Variants in DOCK9 observed in about 807,000 individuals in gnomAD.
The protein encoded by DOCK9 is dedicator of cytokinesis protein 9.
A neutral mutation model predicts 263.3 loss-of-function variants in DOCK9; 89 were observed. That is an observed-to-expected ratio of 0.34 (90% CI 0.28 to 0.40). DOCK9 has a LOEUF of 0.40. Among genes scored for constraint, DOCK9 ranks in the 10% least tolerant of loss-of-function variants. The pLI, the probability that DOCK9 is intolerant of heterozygous loss-of-function variation, is 1.00. For synonymous variants in DOCK9, 976 were observed against 973.1 expected (o/e 1.00, Z -0.06); for missense variants, 2,140 against 2,603.4 (o/e 0.82, Z 3.87).
chr13:98,880,042 G>C (rs948038863), intron 26 of DOCK9, 73 bp from the exon 27 acceptor site: 1 of 1,181,698 alleles, frequency 8.5e-7, no homozygotes, highest in African/African-American at 1.5e-5. Context: ...CTCTCAGGCT[G>C]ACAATATTAT....
chr13:98,905,859 T>C (rs2049012234), intron 9 of DOCK9, among the ~76,000 whole-genome samples: 1 of 150,902 alleles, frequency 6.6e-6, no homozygotes, highest in African/African-American at 2.4e-5. Flanking sequence ...ATAAAATGAG[T>C]TCCACATTTC....
At chr13:98,806,367 C>G (rs764272196) in intron 48 of DOCK9, among the ~76,000 whole-genome samples, 1 of 152,184 alleles carries the variant, frequency 6.6e-6, no homozygotes, top group African/African-American at 2.4e-5. Context: ...TATGCAGAAA[C>G]AAAAGCTAAT....
chr13:98,800,356 G>A lies in DOCK9; in HGVS notation c.5848C>T (p.Leu1950=), dbSNP rs2089969592. Residue 1950 remains leucine, a synonymous_variant, in exon 50 of 53, where the codon CTG becomes TTG. Coordinates refer to ENST00000682017, the MANE Select transcript of DOCK9 (RefSeq NM_001366683.2). ...MSKKVAELRQ[L]CSSAEVDMIK... ...ATGTCCACCTCGGCCGAGGAGCACAGCTGCCGGAGCTCCGCCACCTTCTTA... is the reference window on the plus strand; with the variant it reads ...ATGTCCACCTCGGCCGAGGAGCACAACTGCCGGAGCTCCGCCACCTTCTTA... The A allele has an allele frequency of 6.2e-7, 1 of 1,613,400 alleles. No individual in the cohort carries two copies. Among genetic ancestry groups the A allele is most frequent in the Non-Finnish European group, 8.5e-7 (1 of 1,179,744 alleles).
chr13:98,837,696 A>T (rs2093057626), intron 38 of DOCK9, 87 bp from the exon 39 acceptor site: 4 of 545,270 alleles, frequency 7.3e-6, no homozygotes, highest in Non-Finnish European at 1.1e-5. Flanking sequence ...ACTTTTGATT[A>T]TTCAGAAGGC....
chr13:98,981,970 G>A (rs1215270860), upstream of DOCK9, among the ~76,000 whole-genome samples: 4 of 152,176 alleles, frequency 2.6e-5, no homozygotes, highest in East Asian at 3.8e-4. Flanking sequence ...CCTGCACTGA[G>A]CTCCTACCAT....
Position 98,829,925 on chromosome 13 carries a change from C to T in DOCK9, c.4636-169G>A, listed in dbSNP as rs1341616227. Among the ~76,000 whole-genome samples the T allele has an allele frequency of 2.6e-5, 4 of 152,120 alleles. No homozygotes were observed. The highest frequency in any genetic ancestry group is 4.8e-5 in the African/African-American group (2 of 41,418). On this transcript the variant is annotated intron_variant, in intron 41 of 52. Coordinates refer to ENST00000682017, the MANE Select transcript of DOCK9 (RefSeq NM_001366683.2). This position sits in a 1 kb window ranked among gnomAD's most constrained non-coding sequence, Gnocchi z 4.1. ...AAACAATGTCTGAGGTATTTTCTTC[C>T]CCTTTAAGAATAATTACAGAAAGTG... is the stretch of plus-strand genomic sequence containing the variant.
At chr13:98,922,654 C>T (rs1566973430) in intron 5 of DOCK9, among the ~76,000 whole-genome samples, 6 of 152,178 alleles carry the variant, frequency 3.9e-5, no homozygotes. Context: ...AAATAATTTG[C>T]TACATGCACA....
chr13:99,016,643 A>G (rs911411148), intron 1 of DOCK9, among the ~76,000 whole-genome samples: 4 of 152,322 alleles, frequency 2.6e-5, no homozygotes, highest in Admixed American at 1.3e-4. Flanking sequence ...GGGAATGGCT[A>G]ACAGGGAAGC....
At position 98,923,423 on chromosome 13, in the gene DOCK9, G is replaced by A. The variant is rs2052402575; in HGVS notation, c.417-52C>T. On this transcript the variant is annotated intron_variant, in intron 4 of 52. Transcript: ENST00000682017. ...TTTAGAAATGCCTAGTCAAGGAAGA[G>A]GCTTTGCATTTCTTCCTCCATCATA... 2.7e-6 allele frequency: 4 copies of A among 1,479,662 alleles called. No homozygotes were observed. The Admixed American group carries it at 6.7e-5, about 25-fold the overall frequency. The allele number at this position is 1,479,662 out of a possible 1,614,324, so 91.7% of individuals were successfully genotyped here.
At chr13:98,909,039 G>A (rs917964445) in intron 9 of DOCK9, among the ~76,000 whole-genome samples, 2 of 152,166 alleles carry the variant, frequency 1.3e-5, no homozygotes, top group African/African-American at 4.8e-5. Context: ...GGTAAGAAGA[G>A]CCAACTGGCT....
intron 9 of DOCK9, among the ~76,000 whole-genome samples, chr13:98,908,751 T>A (rs2049515762): frequency 6.6e-6 from 1 of 152,232 alleles, no homozygotes; most frequent in African/African-American, 2.4e-5. Context: ...AACTTCAGTG[T>A]TCTCAGGAAT....
chr13:98,878,081 T>C (rs1201960565), intron 27 of DOCK9, among the ~76,000 whole-genome samples: 2 of 152,288 alleles, frequency 1.3e-5, no homozygotes, highest in Admixed American at 6.5e-5. Flanking sequence ...TAATCCAGTA[T>C]GACTGGTGTC....
rs2045077008 is a variant in DOCK9 at position 98,883,023 on chromosome 13, T to G, written c.2559+19A>C. On this transcript the variant is annotated intron_variant, in intron 23 of 52. Coordinates refer to ENST00000682017, the MANE Select transcript of DOCK9 (RefSeq NM_001366683.2). ...TCCAAACTCACTTAAAAGGGGATAC[T>G]AAGAAAGCCATGTGATACCTTAAGG... is the stretch of plus-strand genomic sequence containing the variant. The G allele has an allele frequency of 6.2e-7, 1 of 1,604,142 alleles. No individual in the cohort carries two copies. The highest frequency in any genetic ancestry group is 1.3e-5 in the African/African-American group (1 of 74,268).
At chr13:98,883,999 C>A in intron 21 of DOCK9, 100 bp from the exon 22 acceptor site, 1 of 832,830 alleles carries the variant, frequency 1.2e-6, no homozygotes, top group Non-Finnish European at 1.9e-6. Context: ...AAAGAGGGCC[C>A]AGAGAACTTT....
At chr13:99,069,700 A>C (rs535598326) in intron 1 of DOCK9, among the ~76,000 whole-genome samples, 1 of 152,366 alleles carries the variant, frequency 6.6e-6, no homozygotes, top group Non-Finnish European at 1.5e-5. Context: ...CATCTCCAAA[A>C]GAATATTTCA....
intron 38 of DOCK9, among the ~76,000 whole-genome samples, chr13:98,843,334 G>A (rs1487719807): frequency 1.3e-5 from 2 of 152,032 alleles, no homozygotes; most frequent in Non-Finnish European, 2.9e-5. Context: ...AAATACCCAG[G>A]TAGAGATGAA....
chr13:98,826,719 A>T (rs1056300591), intron 44 of DOCK9, 111 bp downstream of exon 44: 6 of 859,288 alleles, frequency 7.0e-6, no homozygotes, highest in Non-Finnish European at 1.1e-5. Flanking sequence ...AATACACTTC[A>T]CAAACACACA....
At chr13:98,999,291 C>T (rs1356383252) in intron 1 of DOCK9, among the ~76,000 whole-genome samples, 1 of 106,190 alleles carries the variant, frequency 9.4e-6, no homozygotes, top group Non-Finnish European at 1.8e-5. Flanking sequence ...CATGCACGCG[C>T]ACACACACAC....
In DOCK9 at chr13:98,829,765, C is replaced by T. The variant is rs925400421; in HGVS notation, c.4636-9G>A. 2 of 1,593,574 alleles carry T rather than the reference C, an allele frequency of 1.3e-6. No individual in the cohort carries two copies. Among genetic ancestry groups the T allele is most frequent in the Non-Finnish European group, 1.7e-6 (2 of 1,168,580 alleles). On this transcript the variant is annotated splice_polypyrimidine_tract_variant and intron_variant, in intron 41 of 52. Coordinates refer to ENST00000682017, the MANE Select transcript of DOCK9 (RefSeq NM_001366683.2). The surrounding 1 kb of genome is among the most constrained non-coding windows in gnomAD (Gnocchi z 4.1). ...CTGACAGATATGATGACCTTAGGGACACACAAACATGAGCAAATCAATTTA... is the reference window on the plus strand; with the variant it reads ...CTGACAGATATGATGACCTTAGGGATACACAAACATGAGCAAATCAATTTA...
Sources: allele counts gnomAD v4.1 joint callset (sites outside exome capture counted in the v4.1 genomes callset), GRCh38; gene constraint gnomAD v4.1.1; non-coding constraint Gnocchi (gnomAD v3.1); transcripts MANE v1.5; gene names NCBI Gene and HGNC (gene_info 2026-07-23, HGNC 2026-07-21).